Variants in DAB1 observed in about 807,000 individuals in gnomAD.
DAB1 encodes DAB adaptor protein 1, also known as disabled homolog 1.
DAB1 carries 15 observed loss-of-function variants against 64.6 expected under a neutral mutation model. The observed-to-expected ratio is 0.23, with a 90% CI of 0.16 to 0.36. The LOEUF is 0.36. DAB1 is among the 10% of genes least tolerant of loss of function. The pLI, the probability that DAB1 is intolerant of heterozygous loss-of-function variation, is 1.00. For missense variants in DAB1, 596 were observed against 706.7 expected (o/e 0.84, Z 1.78); for synonymous variants, 235 against 251.9 (o/e 0.93, Z 0.64).
chr1:58,402,375 C>T (rs528431790), intron 3 of DAB1, among the ~76,000 whole-genome samples: 2 of 152,216 alleles, frequency 1.3e-5, no homozygotes, highest in African/African-American at 2.4e-5. Context: ...AACATTCTTA[C>T]TGCTTTTAAG....
At chr1:58,160,803 G>C (rs1655494411) in intron 4 of DAB1, among the ~76,000 whole-genome samples, 1 of 152,112 alleles carries the variant, frequency 6.6e-6, no homozygotes, top group Non-Finnish European at 1.5e-5. Flanking sequence ...CATGTGTTTG[G>C]AATACTGGGC....
chr1:57,357,710 A>G (rs544964041), intron 1 of DAB1, among the ~76,000 whole-genome samples: 1 of 152,074 alleles, frequency 6.6e-6, no homozygotes, highest in African/African-American at 2.4e-5. Flanking sequence ...GAAACTTACA[A>G]TCATGGTGAA....
At chr1:57,705,268 G>A (rs146445069) in intron 6 of DAB1, among the ~76,000 whole-genome samples, 229 of 151,692 alleles carry the variant, frequency 1.5e-3, no homozygotes, top group Middle Eastern at 3.4e-3. Context: ...GTGTTCACCT[G>A]GTATATATTT....
chr1:58,086,934 C>T lies in DAB1; in HGVS notation n.387+63577G>A, dbSNP rs1650354554. Among the ~76,000 whole-genome samples, 3 of 152,226 alleles carry T rather than the reference C, an allele frequency of 2.0e-5. No homozygotes were observed. In the South Asian group the frequency reaches 6.2e-4, roughly 32 times the overall value. On this transcript the variant is annotated intron_variant and non_coding_transcript_variant, in intron 5 of 20. Coordinates refer to the DAB1 transcript ENST00000485760. Reference sequence around the variant, plus strand: ...CTCCCATAGCACTTTCCAGCAGATACTTCCATAATATGCTGTGAGGTCCTT... The same window carrying T: ...CTCCCATAGCACTTTCCAGCAGATATTTCCATAATATGCTGTGAGGTCCTT...
intron 3 of DAB1, among the ~76,000 whole-genome samples, chr1:58,455,151 CA>C (rs1645181029): frequency 6.6e-6 from 1 of 152,190 alleles, no homozygotes; most frequent in African/African-American, 2.4e-5. Context: ...GAAACACCTG[CA>C]GGGGATCAGG....
chr1:57,791,560 C>G (rs1416354652), intron 6 of DAB1, among the ~76,000 whole-genome samples: 3 of 152,188 alleles, frequency 2.0e-5, no homozygotes, highest in African/African-American at 7.2e-5. Context: ...TTTAACATCT[C>G]TAACCCTCAT....
chr1:58,142,531 C>G (rs1654347091), intron 5 of DAB1, among the ~76,000 whole-genome samples: 1 of 152,216 alleles, frequency 6.6e-6, no homozygotes, highest in African/African-American at 2.4e-5. Flanking sequence ...TCCTGGCCCC[C>G]ATAAGAGCCT....
chr1:57,638,717 C>T (rs980515076), intron 7 of DAB1, among the ~76,000 whole-genome samples: 4 of 152,020 alleles, frequency 2.6e-5, no homozygotes, highest in African/African-American at 7.2e-5. Context: ...TTGAAGAATA[C>T]GTAGTTCACC....
At chr1:57,552,942 A>G (rs1407180625) in intron 7 of DAB1, among the ~76,000 whole-genome samples, 5 of 152,102 alleles carry the variant, frequency 3.3e-5, no homozygotes, top group Non-Finnish European at 7.4e-5. Context: ...CATTTGGGAT[A>G]TATTAAGGGG....
At chr1:57,833,216 C>G (rs772601633) in intron 1 of DAB1, among the ~76,000 whole-genome samples, 1 of 151,962 alleles carries the variant, frequency 6.6e-6, no homozygotes, top group Non-Finnish European at 1.5e-5. Context: ...GAAAAGAGAA[C>G]AGATTAAACT....
At chr1:57,573,006 T>C (rs756973075) in intron 7 of DAB1, among the ~76,000 whole-genome samples, 1 of 152,154 alleles carries the variant, frequency 6.6e-6, no homozygotes, top group East Asian at 1.9e-4. Context: ...ATCTCCAGAA[T>C]TGAGGGTTAA....
intron 2 of DAB1, among the ~76,000 whole-genome samples, chr1:57,257,118 A>G (rs976422065): frequency 6.6e-5 from 10 of 152,114 alleles, no homozygotes; most frequent in African/African-American, 2.2e-4. Flanking sequence ...GTTTCCCTAA[A>G]CTGAAATAAT....
intron 9 of DAB1, among the ~76,000 whole-genome samples, chr1:57,046,945 C>G (rs577791775): frequency 2.6e-5 from 4 of 152,200 alleles, no homozygotes; most frequent in Non-Finnish European, 5.9e-5. Context: ...GAGCAGTCAC[C>G]AGCTTTGGGT....
At chr1:57,930,845 T>C (rs1644943708) in intron 5 of DAB1, among the ~76,000 whole-genome samples, 1 of 152,176 alleles carries the variant, frequency 6.6e-6, no homozygotes, top group East Asian at 1.9e-4. Context: ...AGTTTACCTT[T>C]TGTTCTTTCT....
chr1:57,903,374 G>A (rs1425821111), intron 5 of DAB1, among the ~76,000 whole-genome samples: 1 of 152,096 alleles, frequency 6.6e-6, no homozygotes, highest in Non-Finnish European at 1.5e-5. Context: ...TCAATTTTTA[G>A]TATCACTCTA....
intron 4 of DAB1, among the ~76,000 whole-genome samples, chr1:58,299,413 C>G (rs530657661): frequency 3.9e-5 from 6 of 152,144 alleles, no homozygotes; most frequent in Non-Finnish European, 7.3e-5. Context: ...GTGGAAGGAA[C>G]GTATTAGAAC....
intron 4 of DAB1, among the ~76,000 whole-genome samples, chr1:58,328,469 G>C (rs1360761481): frequency 6.6e-6 from 1 of 152,156 alleles, no homozygotes; most frequent in Non-Finnish European, 1.5e-5. Flanking sequence ...TGCACTGCAG[G>C]CGATGTCAGC....
intron 9 of DAB1, among the ~76,000 whole-genome samples, chr1:57,028,079 G>A (rs1646849220): frequency 6.6e-6 from 1 of 152,142 alleles, no homozygotes; most frequent in Non-Finnish European, 1.5e-5. Context: ...TACCTAGAAG[G>A]AAATTGATCT....
At chr1:57,157,585 AG>A (rs1361881765) in intron 2 of DAB1, among the ~76,000 whole-genome samples, 1 of 151,922 alleles carries the variant, frequency 6.6e-6, no homozygotes, top group Non-Finnish European at 1.5e-5. Context: ...AGAGAGAGAG[AG>A]AGAGAGAGAG....
Sources: gnomAD v4.1 joint callset for allele counts (sites outside exome capture counted in the v4.1 genomes callset) on GRCh38, gnomAD v4.1.1 for gene constraint, MANE v1.5 for transcripts, NCBI Gene and HGNC (gene_info 2026-07-23, HGNC 2026-07-21) for gene names.